Variants in MID1 observed in about 807,000 individuals in gnomAD.
MID1 encodes midline 1.
Under a neutral mutation model 40.4 loss-of-function variants are expected in MID1, and 7 were observed. That is an observed-to-expected ratio of 0.17 (90% confidence interval 0.10 to 0.33). The LOEUF (loss-of-function observed/expected upper bound fraction) is 0.33, where lower values mean the gene tolerates loss of function less well. MID1 is among the 10% of genes least tolerant of loss of function. MID1 has a pLI of 1.00. For missense variants in MID1, 367 were observed against 558.5 expected (o/e 0.66, Z 3.46); for synonymous variants, 229 against 221.2 (o/e 1.04, Z -0.31).
intron 1 of MID1, among the ~76,000 whole-genome samples, chrX:10,579,951 G>A (rs940415551): frequency 2.7e-5 from 3 of 110,099 alleles, no homozygotes; most frequent in African/African-American, 6.6e-5. Flanking sequence ...GAACAGCGTC[G>A]GGACTGTGTG....
chrX:10,760,630 C>T (rs767964068), intron 1 of MID1, among the ~76,000 whole-genome samples: 25 of 111,182 alleles, frequency 2.2e-4, no homozygotes, highest in African/African-American at 5.2e-4. Context: ...TGAGACCAGC[C>T]TGGGCAACAT....
intron 1 of MID1, among the ~76,000 whole-genome samples, chrX:10,614,280 T>A (rs1326241376): frequency 2.7e-5 from 3 of 111,736 alleles, no homozygotes; most frequent in African/African-American, 9.8e-5. Context: ...CATAATTCCC[T>A]CTCAACTGGG....
intron 1 of MID1, among the ~76,000 whole-genome samples, chrX:10,752,125 AT>A (rs2043603242): frequency 9.0e-6 from 1 of 111,113 alleles, no homozygotes; most frequent in African/African-American, 3.3e-5. Flanking sequence ...AAATACATTT[AT>A]TTTCCCTATA....
chrX:10,788,896 C>T (rs140265552), intron 1 of MID1, among the ~76,000 whole-genome samples: 15 of 112,152 alleles, frequency 1.3e-4, no homozygotes, highest in African/African-American at 4.2e-4. Context: ...TTTGGGAGGC[C>T]GAGGCGGGAG....
chrX:10,822,870 G>A (rs1280095337), intron 1 of MID1, among the ~76,000 whole-genome samples: 1 of 112,011 alleles, frequency 8.9e-6, no homozygotes, highest in Middle Eastern at 4.2e-3. Context: ...TTACACTGTT[G>A]GTAGGAGTGT....
intron 3 of MID1, chrX:10,506,302 C>A (rs1039764511): frequency 1.5e-5 from 15 of 1,027,597 alleles, no homozygotes; most frequent in Admixed American, 8.3e-5. Flanking sequence ...CAGTTGTATC[C>A]TCCCCAAGAA....
chrX:10,481,699 G>A (rs1569060960), intron 5 of MID1, among the ~76,000 whole-genome samples: 1 of 111,936 alleles, frequency 8.9e-6, no homozygotes, highest in Non-Finnish European at 1.9e-5. Context: ...ACCCGCCTTG[G>A]CCTCCCAAAG....
chrX:10,794,414 A>C (rs963034717), intron 1 of MID1, among the ~76,000 whole-genome samples: 26 of 112,441 alleles, frequency 2.3e-4, no homozygotes, highest in Non-Finnish European at 4.1e-4. Flanking sequence ...ATTGTCATAG[A>C]AATGTAGCAA....
chrX:10,454,483 T>A (rs373191748), intron 9 of MID1, among the ~76,000 whole-genome samples: 2 of 111,820 alleles, frequency 1.8e-5, no homozygotes, highest in East Asian at 2.8e-4. Flanking sequence ...GGACTATATG[T>A]AAAAAAATGG....
At chrX:10,734,808 G>A (rs73480982) in intron 1 of MID1, among the ~76,000 whole-genome samples, 1,572 of 111,712 alleles carry the variant, frequency 0.014, 35 homozygotes, top group African/African-American at 0.048. Flanking sequence ...TGGGGCTGTC[G>A]GTACATGGGC....
intron 1 of MID1, among the ~76,000 whole-genome samples, chrX:10,592,878 C>T (rs748286807): frequency 1.1e-4 from 12 of 112,011 alleles, no homozygotes; most frequent in Admixed American, 8.5e-4. Context: ...ACTTGCATAA[C>T]TACAAATCAC....
At chrX:10,813,327 T>G (rs1602593341) in intron 1 of MID1, among the ~76,000 whole-genome samples, 1 of 111,412 alleles carries the variant, frequency 9.0e-6, no homozygotes, top group Admixed American at 9.6e-5. Flanking sequence ...TCCTGGAACT[T>G]GCATTTGCTG....
At chrX:10,720,251 G>A (rs1441016785) in intron 1 of MID1, among the ~76,000 whole-genome samples, 2 of 111,718 alleles carry the variant, frequency 1.8e-5, no homozygotes, top group African/African-American at 3.3e-5. Flanking sequence ...TACCATCAGA[G>A]TGAACAGGCA....
intron 1 of MID1, among the ~76,000 whole-genome samples, chrX:10,777,614 C>T (rs1287653938): frequency 9.2e-6 from 1 of 108,475 alleles, no homozygotes; most frequent in Non-Finnish European, 1.9e-5. Context: ...GATCTTGGCT[C>T]ATTGCAACCT....
chrX:10,461,845 C>CA (rs1180999295), intron 7 of MID1, among the ~76,000 whole-genome samples: 1 of 111,505 alleles, frequency 9.0e-6, no homozygotes, highest in Non-Finnish European at 1.9e-5. Context: ...GAATATGTTA[C>CA]AAAAAAATGA....
intron 1 of MID1, among the ~76,000 whole-genome samples, chrX:10,651,021 C>T (rs1370799156): frequency 1.8e-5 from 2 of 111,677 alleles, no homozygotes; most frequent in African/African-American, 6.5e-5. Context: ...AAAAGATCCC[C>T]CACATCTACA....
At chrX:10,576,543 C>G (rs555426065) in intron 1 of MID1, among the ~76,000 whole-genome samples, 28 of 111,403 alleles carry the variant, frequency 2.5e-4, no homozygotes, top group South Asian at 7.7e-4. Context: ...TTCATTTATA[C>G]AAGCAGACAA....
intron 7 of MID1, chrX:10,469,319 T>C: frequency 1.1e-6 from 1 of 946,898 alleles, no homozygotes; most frequent in East Asian, 4.0e-5. Context: ...CACCTATGAA[T>C]GTTTCTTTAA....
intron 1 of MID1, among the ~76,000 whole-genome samples, chrX:10,733,008 C>T (rs1053949153): frequency 2.3e-4 from 25 of 110,044 alleles, no homozygotes; most frequent in Non-Finnish European, 2.5e-4. Flanking sequence ...GGACTACAGG[C>T]GCCTGCCACT....
Sources: gnomAD v4.1 joint callset for allele counts (sites outside exome capture counted in the v4.1 genomes callset) on GRCh38, gnomAD v4.1.1 for gene constraint, MANE v1.5 for transcripts, NCBI Gene and HGNC (gene_info 2026-07-23, HGNC 2026-07-21) for gene names.